The following C5orf34 variants were observed in gnomAD, a reference collection of about 807,000 sequenced individuals.
C5orf34 encodes chromosome 5 open reading frame 34.
Under a neutral mutation model 78.4 loss-of-function variants are expected in C5orf34, and 73 were observed. The observed-to-expected ratio is 0.93, with a 90% CI of 0.77 to 1.13. The LOEUF is 1.13. Ranked by LOEUF, C5orf34 falls within the 50% of genes most tolerant of loss-of-function variation. The pLI, the probability that C5orf34 is intolerant of heterozygous loss-of-function variation, is 0.00. For synonymous variants in C5orf34, 251 were observed against 246.6 expected, an observed-to-expected ratio of 1.02 and a Z score of -0.17; for missense variants, 730 against 732.7, an observed-to-expected ratio of 1.00 and a Z score of 0.04.
chr5:43,501,849 G>A (rs1361591841), intron 6 of C5orf34, among the ~76,000 whole-genome samples: 1 of 152,120 alleles, frequency 6.6e-6, no homozygotes, highest in Non-Finnish European at 1.5e-5. Flanking sequence ...GGGGCAATAA[G>A]CAAATTAAAA....
At chr5:43,488,141 A>G in intron 11 of C5orf34, 192 bp from the exon 12 acceptor site, 1 of 570,560 alleles carries the variant, frequency 1.8e-6, no homozygotes, top group Non-Finnish European at 3.1e-6. Flanking sequence ...GTGCCTTTAA[A>G]GGTAAGTGAA....
chr5:43,512,051 T>C (rs1005875111), intron 1 of C5orf34, among the ~76,000 whole-genome samples: 1 of 146,742 alleles, frequency 6.8e-6, no homozygotes, highest in African/African-American at 2.5e-5. Flanking sequence ...AAAAAAGAGT[T>C]GGGTTTCATT....
intron 9 of C5orf34, 44 bp downstream of exon 9, chr5:43,492,676 C>G: frequency 6.6e-7 from 1 of 1,504,934 alleles, no homozygotes; most frequent in South Asian, 1.2e-5. Context: ...CTGTTTTCCA[C>G]AGATTACCAA....
chr5:43,495,716 A>C lies in C5orf34; in HGVS notation c.1153-1115T>G, dbSNP rs1745487982. On this transcript the variant is annotated intron_variant, in intron 6 of 12. Transcript: ENST00000306862. ...AATTTTGTAGACATCCTGGAGAGGC[A>C]GGCGCAAGGGCTTGTCAGTTGGATG... 1.9e-6 allele frequency: 3 copies of C among 1,579,442 alleles called. No homozygotes were observed. The East Asian group carries it at 6.7e-5, about 35-fold the overall frequency.
intron 11 of C5orf34, 142 bp from the exon 12 acceptor site, chr5:43,488,091 T>C: frequency 4.8e-6 from 3 of 621,346 alleles, no homozygotes; most frequent in East Asian, 5.6e-5. Context: ...GTTACCTTTA[T>C]TTAGCAACAA....
chr5:43,499,992 AAGC>A (rs1416888013), intron 6 of C5orf34, among the ~76,000 whole-genome samples: 1 of 152,166 alleles, frequency 6.6e-6, no homozygotes, highest in African/African-American at 2.4e-5. Context: ...AGATACTGAG[AAGC>A]AGAATTTCTC....
In C5orf34 at chr5:43,514,895, G is replaced by A. The variant is rs1436057455; in HGVS notation, c.-126C>T. 6.6e-6 allele frequency: 1 copy of A among 152,108 alleles called. No individual in the cohort carries two copies. The highest frequency in any genetic ancestry group is 1.9e-4 in the East Asian group (1 of 5,192). The allele number at this position is 152,108 out of a possible 1,614,324, so 9.4% of individuals were successfully genotyped here. A position where few individuals can be genotyped will look rare whatever the true frequency, so the allele number is the denominator to read the frequency against. On this transcript the variant is annotated 5_prime_UTR_variant, in exon 1 of 13. Transcript: ENST00000306862. ...AAAATGCTCTGGAAGCCGCAGCGTC[G>A]GCGCCTGCCCACCACTGCTTCTTCA...
chr5:43,492,990 G>A (rs1745349345), intron 8 of C5orf34, 100 bp from the exon 9 acceptor site: 1 of 605,836 alleles, frequency 1.7e-6, no homozygotes, highest in Non-Finnish European at 2.6e-6. Context: ...TACTTATTCA[G>A]AAGTCAAATA....
intron 7 of C5orf34, 55 bp downstream of exon 7, chr5:43,494,455 G>A (rs1361377310): frequency 1.8e-6 from 2 of 1,119,912 alleles, no homozygotes; most frequent in East Asian, 2.4e-5. Context: ...ACAAGAAAAT[G>A]TGCCAAGATG....
chr5:43,498,009 G>A (rs1745612764), intron 6 of C5orf34, among the ~76,000 whole-genome samples: 1 of 152,166 alleles, frequency 6.6e-6, no homozygotes, highest in Non-Finnish European at 1.5e-5. Flanking sequence ...AGCCATTGCA[G>A]AGGTCTCATA....
At chr5:43,503,617 C>G in intron 5 of C5orf34, 48 bp downstream of exon 5, 1 of 1,220,732 alleles carries the variant, frequency 8.2e-7, no homozygotes. Context: ...TCTGTGACAT[C>G]AATAAACAGC....
At position 43,492,281 on chromosome 5, in the gene C5orf34, C is replaced by T; in HGVS notation, c.1514G>A (p.Cys505Tyr). The T allele has an allele frequency of 3.7e-6, 6 of 1,610,248 alleles. No homozygotes were observed. Among genetic ancestry groups the T allele is most frequent in the Non-Finnish European group, 5.1e-6 (6 of 1,177,478 alleles). Reference sequence around the variant, plus strand: ...TTGTCCATCAGGAAAAGTTAACTTACACCAACCTAAGTTAAGACCTTGATT... The same window carrying T: ...TTGTCCATCAGGAAAAGTTAACTTATACCAACCTAAGTTAAGACCTTGATT... The part of the protein sequence containing the change: ...QVNQGLNLGW[C>Y]KLTFPDGQEQ... Residue 505 changes from cysteine (C) to tyrosine (Y), a missense_variant, in exon 10 of 13, where the codon TGT (cysteine) becomes TAT (tyrosine). By Grantham distance (194) the Cys-to-Tyr change is radical. Transcript: ENST00000306862.
intron 11 of C5orf34, 193 bp from the exon 12 acceptor site, chr5:43,488,142 G>A (rs1745136330): frequency 8.9e-6 from 5 of 564,336 alleles, no homozygotes; most frequent in Non-Finnish European, 1.6e-5. Flanking sequence ...TGCCTTTAAA[G>A]GTAAGTGAAT....
rs540291213 is a variant in C5orf34, at chr5:43,496,346, T to C, written c.1153-1745A>G. 1.4e-4 allele frequency: 225 copies of C among 1,590,532 alleles called. 1 individual carries two copies. In the South Asian group the frequency reaches 1.9e-3, roughly 13 times the overall value. ...TCCTTCTCAAATTTTTCAATGGTTC[T>C]TTTGTCGATGCCACCACATTTGTAG... On this transcript the variant is annotated intron_variant, in intron 6 of 12. Transcript: ENST00000306862.
At position 43,488,601 on chromosome 5, in the gene C5orf34, C is replaced by G. The variant is rs149560782; in HGVS notation, c.1680-652G>C. 3.8e-3 allele frequency among the ~76,000 whole-genome samples: 573 copies of G among 152,106 alleles called. 3 individuals are homozygous for G. Among genetic ancestry groups the G allele is most frequent in the Non-Finnish European group, 6.9e-3 (467 of 67,932 alleles). ...TTTATTAAATTCTTTCTGGAATAGA[C>G]TACCTACTTATTTCATTGTTTTTTT... On this transcript the variant is annotated intron_variant, in intron 11 of 12. Coordinates refer to ENST00000306862, the MANE Select transcript of C5orf34 (RefSeq NM_198566.4).
intron 1 of C5orf34, among the ~76,000 whole-genome samples, chr5:43,513,146 G>A (rs538930660): frequency 6.6e-6 from 1 of 152,224 alleles, no homozygotes; most frequent in South Asian, 2.1e-4. Flanking sequence ...GATATCATCT[G>A]TAATCTTCTG....
Position 43,487,119 on chromosome 5 carries a change from G to A in C5orf34, c.1721-8C>T. ...CACTATTTTCTAGTAGCACTAAGTT[G>A]CTTAGTTAAGGAGGTTTTCCCCACA... is the stretch of plus-strand genomic sequence containing the variant. On this transcript the variant is annotated splice_region_variant and splice_polypyrimidine_tract_variant and intron_variant, in intron 12 of 12. Transcript: ENST00000306862. 1 of 1,453,750 alleles carries A rather than the reference G, an allele frequency of 6.9e-7. No homozygotes were observed. The highest frequency in any genetic ancestry group is 1.4e-5 in the South Asian group (1 of 69,876). The allele number at this position is 1,453,750 out of a possible 1,614,324, so 90.1% of individuals were successfully genotyped here. A position where few individuals can be genotyped will look rare whatever the true frequency, so the allele number is the denominator to read the frequency against.
At chr5:43,500,251 C>A (rs1470016321) in intron 6 of C5orf34, among the ~76,000 whole-genome samples, 2 of 152,094 alleles carry the variant, frequency 1.3e-5, no homozygotes, top group Non-Finnish European at 2.9e-5. Context: ...TTTACATTAT[C>A]TTTTCTATGG....
At chr5:43,489,626 T>A (rs1267995690) in intron 11 of C5orf34, among the ~76,000 whole-genome samples, 1 of 152,142 alleles carries the variant, frequency 6.6e-6, no homozygotes, top group Non-Finnish European at 1.5e-5. Context: ...CTTTTCTGCT[T>A]CCAAACAGGC....
Sources: gnomAD v4.1 joint callset for allele counts (sites outside exome capture counted in the v4.1 genomes callset) on GRCh38, gnomAD v4.1.1 for gene constraint, MANE v1.5 for transcripts, NCBI Gene and HGNC (gene_info 2026-07-23, HGNC 2026-07-21) for gene names.